The following CSMD2 variants were observed in gnomAD, a reference collection of about 807,000 sequenced individuals.
CSMD2 encodes CUB and Sushi multiple domains 2, also known as CUB and sushi domain-containing protein 2.
Under a neutral mutation model 398.5 loss-of-function variants are expected in CSMD2, and 130 were observed. The observed-to-expected ratio is 0.33, with a 90% confidence interval of 0.28 to 0.38. CSMD2 has a LOEUF of 0.38. CSMD2 is among the 10% of genes least tolerant of loss of function. The pLI is 1.00. For synonymous variants in CSMD2, 1,828 were observed against 1,908.5 expected (o/e 0.96, Z 1.10); for missense variants, 3,829 against 4,764.9 (o/e 0.80, Z 5.78).
chr1:34,142,061 C>A (rs1470202324), intron 1 of CSMD2, among the ~76,000 whole-genome samples: 2 of 152,086 alleles, frequency 1.3e-5, no homozygotes, highest in Non-Finnish European at 2.9e-5. Flanking sequence ...CTCCTTAAGG[C>A]AGGGATGCTG....
At chr1:33,924,919 G>C (rs1644072397) in intron 4 of CSMD2, among the ~76,000 whole-genome samples, 1 of 152,090 alleles carries the variant, frequency 6.6e-6, no homozygotes, top group Admixed American at 6.5e-5. Flanking sequence ...CTGTTGAGTT[G>C]TTTGAGTTAC....
chr1:33,550,346 C>T lies in CSMD2; in HGVS notation c.8748G>A (p.Val2916=), dbSNP rs1657325465. 6.2e-7 allele frequency: 1 copy of T among 1,613,386 alleles called. No individual in the cohort carries two copies. Among genetic ancestry groups the T allele is most frequent in the Admixed American group, 1.7e-5 (1 of 59,990 alleles). The change falls in exon 56 of 71, where the codon GTG becomes GTA. Residue 2916 remains valine, a synonymous_variant. Transcript: ENST00000373381. ...GCGGGGAGCCCGGATGGCCACAGGA[C>T]ACCACTGTGGGGGAAAAGCAAACAT... ...WDRPRPQCLL[V]SCGHPGSPPH... is the part of the protein sequence containing the mutation.
intron 37 of CSMD2, among the ~76,000 whole-genome samples, chr1:33,618,195 C>T (rs552345344): frequency 6.6e-6 from 1 of 152,280 alleles, no homozygotes; most frequent in East Asian, 1.9e-4. Flanking sequence ...TTTTCAAGGT[C>T]AGGCCAGCCC....
intron 1 of CSMD2, among the ~76,000 whole-genome samples, chr1:34,139,823 T>A (rs549113028): frequency 6.6e-6 from 1 of 152,180 alleles, no homozygotes; most frequent in Non-Finnish European, 1.5e-5. Context: ...GTTGTTGTTA[T>A]AAATTAAAAA....
intron 51 of CSMD2, 143 bp from the exon 52 acceptor site, chr1:33,569,690 T>C: frequency 1.2e-6 from 1 of 808,328 alleles, no homozygotes; most frequent in Non-Finnish European, 1.9e-6. Context: ...GTTGTGTTGC[T>C]GACTTGTGTG....
At chr1:33,547,210 G>A (rs1656990992) in intron 56 of CSMD2, among the ~76,000 whole-genome samples, 1 of 152,070 alleles carries the variant, frequency 6.6e-6, no homozygotes, top group African/African-American at 2.4e-5. Flanking sequence ...CCACTCAAGA[G>A]ACCTCCAAGG....
rs151007806 is a variant in CSMD2 at position 33,948,492 on chromosome 1, T to C, written c.518-12538A>G. On this transcript the variant is annotated intron_variant, in intron 3 of 70. Transcript: ENST00000373381. ...ACATTCTCATACACATAAACATGCA[T>C]ATATAAAAACAGGCAAATTCAGGAT... 4.6e-3 allele frequency among the ~76,000 whole-genome samples: 696 copies of C among 152,248 alleles called. 7 individuals are homozygous for C. The highest frequency in any genetic ancestry group is 0.026 in the South Asian group (126 of 4,820).
chr1:33,913,054 C>T (rs1643542704), intron 5 of CSMD2, among the ~76,000 whole-genome samples: 1 of 152,148 alleles, frequency 6.6e-6, no homozygotes, highest in African/African-American at 2.4e-5. Context: ...TCAAGTGATC[C>T]ACCCACCTCA....
chr1:33,829,756 A>T (rs12097304), intron 6 of CSMD2, among the ~76,000 whole-genome samples: 1 of 151,984 alleles, frequency 6.6e-6, no homozygotes, highest in East Asian at 1.9e-4. Context: ...TTTCATGGTC[A>T]AGGAAAGGGG....
At chr1:33,828,047 C>T (rs1659028011) in intron 6 of CSMD2, among the ~76,000 whole-genome samples, 1 of 152,150 alleles carries the variant, frequency 6.6e-6, no homozygotes, top group Non-Finnish European at 1.5e-5. Context: ...GAAAAAGTTC[C>T]CCAAGGGTTT....
chr1:33,567,965 TG>T (rs1288982146), intron 52 of CSMD2, 124 bp from the exon 53 acceptor site: 3 of 1,212,170 alleles, frequency 2.5e-6, no homozygotes, highest in Admixed American at 4.7e-5. Flanking sequence ...AAAATAGTGT[TG>T]AGGACTTGGC....
intron 5 of CSMD2, among the ~76,000 whole-genome samples, chr1:33,849,813 T>G (rs577402820): frequency 2.6e-5 from 4 of 151,972 alleles, no homozygotes; most frequent in Non-Finnish European, 2.9e-5. Context: ...TATAAGTAAA[T>G]AGGTAAATAA....
intron 62 of CSMD2, among the ~76,000 whole-genome samples, chr1:33,535,451 A>G (rs1314467864): frequency 6.6e-6 from 1 of 152,230 alleles, no homozygotes; most frequent in Non-Finnish European, 1.5e-5. Context: ...GTCACTTGAT[A>G]GTATGTTTCT....
chr1:34,140,717 G>C (rs1326786429), intron 1 of CSMD2, among the ~76,000 whole-genome samples: 3 of 152,162 alleles, frequency 2.0e-5, no homozygotes, highest in African/African-American at 7.2e-5. Context: ...ATTTAAGCCT[G>C]GGTCTCTCCC....
In CSMD2 at chr1:33,714,999, G is replaced by T. The variant is rs184354282; in HGVS notation, c.3218-224C>A. Among the ~76,000 whole-genome samples the T allele has an allele frequency of 5.9e-5, 9 of 152,242 alleles. No homozygotes were observed. In the East Asian group the frequency reaches 1.7e-3, roughly 29 times the overall value. ...GCAGAGAGAAACATGGGGAAGCACG[G>T]GGAGGCAGAGGCAGAGAGAAGCACG... On this transcript the variant is annotated intron_variant, in intron 20 of 70. Coordinates refer to ENST00000373381, the MANE Select transcript of CSMD2 (RefSeq NM_001281956.2).
At chr1:34,003,813 T>C (rs911619006) in intron 3 of CSMD2, among the ~76,000 whole-genome samples, 2 of 152,198 alleles carry the variant, frequency 1.3e-5, no homozygotes, top group Non-Finnish European at 2.9e-5. Flanking sequence ...ACAGAAGTGG[T>C]AAAAGTCAAG....
chr1:33,989,335 T>C (rs918574480), intron 3 of CSMD2, among the ~76,000 whole-genome samples: 3 of 151,884 alleles, frequency 2.0e-5, no homozygotes, highest in Non-Finnish European at 2.9e-5. Context: ...AGAATAAAGA[T>C]ACCAAGTTTC....
Position 34,116,417 on chromosome 1 carries a change from A to C in CSMD2, c.188-27224T>G, listed in dbSNP as rs140806679. Among the ~76,000 whole-genome samples the C allele has an allele frequency of 1.6e-3, 248 of 152,180 alleles. 1 individual carries two copies. Among genetic ancestry groups the C allele is most frequent in the African/African-American group, 5.8e-3 (241 of 41,572 alleles). ...AGACAAAGAAGACATTGTATAATGAAAAAAGGGTCAATTCAACAAGGAAGA... is the reference window on the plus strand; with the variant it reads ...AGACAAAGAAGACATTGTATAATGACAAAAGGGTCAATTCAACAAGGAAGA... On this transcript the variant is annotated intron_variant, in intron 1 of 70. Coordinates refer to ENST00000373381, the MANE Select transcript of CSMD2 (RefSeq NM_001281956.2).
chr1:34,162,728 G>T (rs970909041), intron 1 of CSMD2, among the ~76,000 whole-genome samples: 3 of 152,104 alleles, frequency 2.0e-5, no homozygotes, highest in East Asian at 1.9e-4. Context: ...GCGTGGTGAC[G>T]GTCGCCTGTA....
Sources: gnomAD v4.1 joint callset for allele counts (sites outside exome capture counted in the v4.1 genomes callset) on GRCh38, gnomAD v4.1.1 for gene constraint, MANE v1.5 for transcripts, NCBI Gene and HGNC (gene_info 2026-07-23, HGNC 2026-07-21) for gene names.